Variants in MGAT4A observed in about 807,000 individuals in gnomAD.
The protein encoded by MGAT4A is N-acetylglucosaminyltransferase IVa.
MGAT4A carries 33 observed loss-of-function variants against 74.1 expected under a neutral mutation model. The ratio of observed to expected loss-of-function variants is 0.45; its 90% CI spans 0.34 to 0.60. MGAT4A has a LOEUF of 0.60. Ranked by LOEUF, MGAT4A falls within the 20% of genes least tolerant of loss-of-function variation. The pLI is 0.02. For missense variants in MGAT4A, 479 were observed against 628.3 expected (o/e 0.76, Z 2.54); for synonymous variants, 198 against 210.4 (o/e 0.94, Z 0.51).
chr2:98,642,557 G>T (rs3769695), intron 10 of MGAT4A, among the ~76,000 whole-genome samples: 26,993 of 152,056 alleles, frequency 0.18, 2,586 homozygotes, highest in Middle Eastern at 0.24. Flanking sequence ...TACTATAGAT[G>T]TTTTCACCTC....
intron 10 of MGAT4A, 103 bp downstream of exon 10, chr2:98,643,820 A>G: frequency 2.5e-6 from 3 of 1,178,764 alleles, no homozygotes; most frequent in South Asian, 5.5e-5. Flanking sequence ...AAGAAGTTTT[A>G]TATCACCTAC....
At chr2:98,688,712 G>C (rs528427932) in intron 2 of MGAT4A, among the ~76,000 whole-genome samples, 1 of 152,292 alleles carries the variant, frequency 6.6e-6, no homozygotes, top group African/African-American at 2.4e-5. Context: ...AAGCTTGGGA[G>C]TGTATTCTTT....
Position 98,622,783 on chromosome 2 carries a change from C to T in MGAT4A, c.*2783G>A. 1.0e-6 allele frequency: 1 copy of T among 985,680 alleles called. No homozygotes were observed. 61.1% of individuals were successfully genotyped at this position (985,680 alleles called of 1,614,324 possible). On this transcript the variant is annotated 3_prime_UTR_variant, in exon 16 of 16. Transcript: ENST00000393487. ...GGTCAGAGAGACAGCACACACCATACACACAAACAATCAAAAACTAGACAA... is the reference window on the plus strand; with the variant it reads ...GGTCAGAGAGACAGCACACACCATATACACAAACAATCAAAAACTAGACAA...
At chr2:98,703,103 C>T (rs779023524) in intron 2 of MGAT4A, among the ~76,000 whole-genome samples, 1 of 152,118 alleles carries the variant, frequency 6.6e-6, no homozygotes, top group African/African-American at 2.4e-5. Context: ...GACTTCGAAA[C>T]AGTTACTATA....
intron 7 of MGAT4A, 40 bp from the exon 8 acceptor site, chr2:98,655,560 C>A (rs367986808): frequency 7.2e-7 from 1 of 1,392,564 alleles, no homozygotes; most frequent in Non-Finnish European, 1.0e-6. Flanking sequence ...AGGAATCAGA[C>A]TCAAATTTAG....
chr2:98,649,873 T>C (rs1701553225), intron 8 of MGAT4A, among the ~76,000 whole-genome samples: 1 of 152,002 alleles, frequency 6.6e-6, no homozygotes, highest in African/African-American at 2.4e-5. Flanking sequence ...AAAAACAAGA[T>C]ATACAAATAA....
chr2:98,716,423 G>A (rs1465675531), intron 2 of MGAT4A, among the ~76,000 whole-genome samples: 1 of 152,194 alleles, frequency 6.6e-6, no homozygotes, highest in African/African-American at 2.4e-5. Flanking sequence ...TTTGAGACCA[G>A]CCTGGACAAC....
chr2:98,635,988 A>AAAAATAAAATAAAATAAAAT (rs201089786), intron 13 of MGAT4A, among the ~76,000 whole-genome samples: 1,520 of 140,730 alleles, frequency 0.011, 33 homozygotes, highest in African/African-American at 0.033. Flanking sequence ...TCTGTCTCAA[A>AAAAATAAAATAAAATAAAAT]AAAATAAAAT....
In MGAT4A at chr2:98,620,618, T is replaced by A. The variant is rs187588619; in HGVS notation, c.*4948A>T. 1 of 152,340 alleles carries A rather than the reference T, an allele frequency of 6.6e-6. No individual in the cohort carries two copies. The highest frequency in any genetic ancestry group is 1.9e-4 in the East Asian group (1 of 5,184). The allele number at this position is 152,340 out of a possible 1,614,324, so 9.4% of individuals were successfully genotyped here. On this transcript the variant is annotated 3_prime_UTR_variant, in exon 16 of 16. Coordinates refer to ENST00000393487, the MANE Select transcript of MGAT4A (RefSeq NM_012214.3). ...ACATTTGGCTGGCCCATACAGGATT[T>A]GATCTGTGCTAGATGATAAAAAGAG...
At position 98,620,791 on chromosome 2, in the gene MGAT4A, T is replaced by A. The variant is rs1479963874; in HGVS notation, c.*4775A>T. ...TACTTCTGACAGGCTCAGAGCAGTC[T>A]AAATCAGTATAAAGTAACACCTCTT... On this transcript the variant is annotated 3_prime_UTR_variant, in exon 16 of 16. Coordinates refer to ENST00000393487, the MANE Select transcript of MGAT4A (RefSeq NM_012214.3). The A allele has an allele frequency of 6.6e-6, 1 of 152,226 alleles. No homozygotes were observed. Among genetic ancestry groups the A allele is most frequent in the Non-Finnish European group, 1.5e-5 (1 of 68,052 alleles). The allele number at this position is 152,226 out of a possible 1,614,324, so 9.4% of individuals were successfully genotyped here. A position where few individuals can be genotyped will look rare whatever the true frequency, so the allele number is the denominator to read the frequency against.
intron 9 of MGAT4A, among the ~76,000 whole-genome samples, 198 bp from the exon 10 acceptor site, chr2:98,644,251 G>A (rs1004673778): frequency 2.0e-5 from 3 of 152,256 alleles, no homozygotes; most frequent in Non-Finnish European, 2.9e-5. Context: ...TGTCACCTGG[G>A]TGTAAACAGA....
intron 4 of MGAT4A, among the ~76,000 whole-genome samples, chr2:98,664,994 A>C (rs866140394): frequency 6.6e-6 from 1 of 152,298 alleles, no homozygotes; most frequent in South Asian, 2.1e-4. Context: ...ATCATGCAAC[A>C]ATTTTTTGGA....
chr2:98,643,833 A>G, intron 10 of MGAT4A, 90 bp downstream of exon 10: 1 of 1,273,862 alleles, frequency 7.9e-7, no homozygotes, highest in Non-Finnish European at 1.0e-6. Context: ...TCACCTACCT[A>G]TTTAACTATT....
chr2:98,639,877 A>T lies in MGAT4A; in HGVS notation c.1253T>A (p.Phe418Tyr). 1 of 1,614,162 alleles carries T rather than the reference A, an allele frequency of 6.2e-7. No individual in the cohort carries two copies. Among genetic ancestry groups the T allele is most frequent in the Non-Finnish European group, 8.5e-7 (1 of 1,180,004 alleles). The change falls in exon 12 of 16, where the codon TTC (phenylalanine) becomes TAC (tyrosine). Residue 418 changes from phenylalanine to tyrosine, a missense_variant. Phe to Tyr is a conservative substitution (Grantham distance 22, BLOSUM62 3). This residue lies in a region of MGAT4A where 236 missense variants were observed against 308.2 expected (regional missense o/e 0.77). Coordinates refer to ENST00000393487, the MANE Select transcript of MGAT4A (RefSeq NM_012214.3). ...TCCAGCTATCGGTGTGATAGCCCAG[A>T]AGAAATCCTCTCCCATGTAAGTTTT... ...LEKTYMGEDF[F>Y]WAITPIAGDY...
intron 2 of MGAT4A, among the ~76,000 whole-genome samples, chr2:98,723,382 G>C (rs1702710584): frequency 6.6e-6 from 1 of 152,110 alleles, no homozygotes; most frequent in Non-Finnish European, 1.5e-5. Flanking sequence ...GGGTCACCTG[G>C]GTACAACGTA....
At chr2:98,661,959 G>A (rs1478882225) in intron 5 of MGAT4A, among the ~76,000 whole-genome samples, 1 of 152,018 alleles carries the variant, frequency 6.6e-6, no homozygotes, top group Non-Finnish European at 1.5e-5. Context: ...TCCAAACTGA[G>A]ACATTTTACA....
At chr2:98,658,390 A>G in intron 5 of MGAT4A, 126 bp from the exon 6 acceptor site, 1 of 579,458 alleles carries the variant, frequency 1.7e-6, no homozygotes, top group South Asian at 2.6e-5. Context: ...TTTTTAGACA[A>G]TTTATTAAAT....
chr2:98,708,088 A>C (rs1214589439), intron 2 of MGAT4A, among the ~76,000 whole-genome samples: 1 of 152,090 alleles, frequency 6.6e-6, no homozygotes, highest in African/African-American at 2.4e-5. Flanking sequence ...TAAGCCTACG[A>C]CATCCTCCCC....
intron 2 of MGAT4A, among the ~76,000 whole-genome samples, chr2:98,706,115 C>T (rs1355434244): frequency 1.3e-5 from 2 of 152,086 alleles, no homozygotes; most frequent in Non-Finnish European, 2.9e-5. Context: ...TAAATGCTAT[C>T]CACCATGTAT....
Sources: allele counts gnomAD v4.1 joint callset (sites outside exome capture counted in the v4.1 genomes callset), GRCh38; gene constraint gnomAD v4.1.1; regional missense constraint gnomAD v4.1.1; transcripts MANE v1.5; gene names NCBI Gene and HGNC (gene_info 2026-07-23, HGNC 2026-07-21).